TAF12: variants seen among roughly 807,000 people sequenced by gnomAD.
TAF12 encodes transcription initiation factor TFIID subunit 12.
Under a neutral mutation model 20.8 loss-of-function variants are expected in TAF12, and 3 were observed. That is an observed-to-expected ratio of 0.14 (90% CI 0.07 to 0.37). The LOEUF (loss-of-function observed/expected upper bound fraction) is 0.37. TAF12 is among the 10% of genes least tolerant of loss of function. The pLI is 1.00. For synonymous variants in TAF12, 69 were observed against 70.2 expected, an observed-to-expected ratio of 0.98 and a Z score of 0.09; for missense variants, 131 against 197.9, an observed-to-expected ratio of 0.66 and a Z score of 2.03.
chr1:28,627,560 G>C (rs191591205), intron 1 of TAF12, among the ~76,000 whole-genome samples: 1 of 151,002 alleles, frequency 6.6e-6, no homozygotes, highest in African/African-American at 2.4e-5. Context: ...GGGCGTGGTG[G>C]CGGGCACCTG....
chr1:28,621,772 A>G (rs1667228048), intron 2 of TAF12, 142 bp downstream of exon 2: 2 of 1,302,982 alleles, frequency 1.5e-6, no homozygotes, highest in Non-Finnish European at 2.1e-6. Context: ...CAAACAAAAA[A>G]AGTTAGAAAT....
At chr1:28,619,711 G>A (rs1465205211) in intron 2 of TAF12, among the ~76,000 whole-genome samples, 6 of 149,116 alleles carry the variant, frequency 4.0e-5, no homozygotes, top group African/African-American at 1.5e-4. Flanking sequence ...AGCACTTTGG[G>A]AGGCTGAGGC....
chr1:28,647,479 G>A (rs967575512), upstream of TAF12, among the ~76,000 whole-genome samples: 2 of 151,886 alleles, frequency 1.3e-5, no homozygotes. Flanking sequence ...GTAGGGACGA[G>A]GTCTCTATAT....
At chr1:28,634,695 C>T (rs917490548) in intron 1 of TAF12, among the ~76,000 whole-genome samples, 5 of 152,036 alleles carry the variant, frequency 3.3e-5, no homozygotes, top group East Asian at 1.9e-4. Flanking sequence ...TTTGGGAGGC[C>T]GAGGTGGGCA....
At position 28,622,095 on chromosome 1, in the gene TAF12, T is replaced by C. The variant is rs1231462890; in HGVS notation, c.-14A>G. The C allele has an allele frequency of 1.9e-6, 3 of 1,608,750 alleles. No homozygotes were observed. Among genetic ancestry groups the C allele is most frequent in the African/African-American group, 1.3e-5 (1 of 74,544 alleles). ...AAACTGGTTCATAATCTGCCGAGCT[T>C]TGGACTTCAGCTCATAGAGCTTATC... On this transcript the variant is annotated 5_prime_UTR_variant, in exon 2 of 6. Coordinates refer to ENST00000373824, the MANE Select transcript of TAF12 (RefSeq NM_005644.4).
At chr1:28,639,017 C>A (rs1168769189) in intron 1 of TAF12, among the ~76,000 whole-genome samples, 1 of 151,228 alleles carries the variant, frequency 6.6e-6, no homozygotes, top group Non-Finnish European at 1.5e-5. Flanking sequence ...CCTCGTGATC[C>A]GCCCACCTCG....
chr1:28,644,966 A>T (rs1313606951), upstream of TAF12, among the ~76,000 whole-genome samples: 1 of 152,130 alleles, frequency 6.6e-6, no homozygotes, highest in Non-Finnish European at 1.5e-5. Flanking sequence ...GCACAATCAT[A>T]GTTCACTACA....
chr1:28,642,446 G>C (rs1668067899), intron 1 of TAF12, among the ~76,000 whole-genome samples: 1 of 152,024 alleles, frequency 6.6e-6, no homozygotes, highest in African/African-American at 2.4e-5. Flanking sequence ...CAGGAACTCG[G>C]AGTCTCAAAG....
intron 1 of TAF12, among the ~76,000 whole-genome samples, chr1:28,632,209 A>C (rs1279644010): frequency 6.6e-6 from 1 of 152,186 alleles, no homozygotes; most frequent in Non-Finnish European, 1.5e-5. Context: ...AGGCCAAGGC[A>C]GGTGGATCAC....
At chr1:28,628,778 G>A (rs139699960) in intron 1 of TAF12, among the ~76,000 whole-genome samples, 2,213 of 152,244 alleles carry the variant, frequency 0.015, 57 homozygotes, top group African/African-American at 0.051. Context: ...ATTGTTTATT[G>A]AAACACATGT....
chr1:28,634,211 C>T (rs546329618), intron 1 of TAF12, among the ~76,000 whole-genome samples: 445 of 150,418 alleles, frequency 3.0e-3, no homozygotes, highest in Non-Finnish European at 3.0e-3. Flanking sequence ...GTCAGGAGTT[C>T]GAGACCATCC....
At chr1:28,604,303 G>C (rs1428830009) in intron 5 of TAF12, among the ~76,000 whole-genome samples, 5 of 152,144 alleles carry the variant, frequency 3.3e-5, no homozygotes, top group African/African-American at 1.2e-4. Flanking sequence ...CACACACAAA[G>C]GGAGCTGACA....
At chr1:28,624,353 C>T (rs1466927936) in intron 1 of TAF12, among the ~76,000 whole-genome samples, 1 of 152,134 alleles carries the variant, frequency 6.6e-6, no homozygotes, top group Non-Finnish European at 1.5e-5. Flanking sequence ...CAATGGCCTT[C>T]AGAACTTGGT....
At chr1:28,646,903 T>G (rs561179758), upstream of TAF12, among the ~76,000 whole-genome samples, 8 of 152,252 alleles carry the variant, frequency 5.3e-5, 1 homozygote, top group South Asian at 1.5e-3. Flanking sequence ...TTTCACCGTG[T>G]TAGCCAGGAT....
At chr1:28,613,485 G>T in intron 3 of TAF12, 124 bp from the exon 4 acceptor site, 1 of 774,722 alleles carries the variant, frequency 1.3e-6, no homozygotes, top group Non-Finnish European at 2.1e-6. Flanking sequence ...GCTGGAATCA[G>T]CATTTGGGCT....
At position 28,640,078 on chromosome 1, in the gene TAF12, G is replaced by A. The variant is rs554125284; in HGVS notation, c.-85+2914C>T. ...GGCGGGTCTCGAACTCCTGATCTCAGGTGACCCGCCCGCCTTGGCCTCCCA... is the reference window on the plus strand; with the variant it reads ...GGCGGGTCTCGAACTCCTGATCTCAAGTGACCCGCCCGCCTTGGCCTCCCA... On this transcript the variant is annotated intron_variant, in intron 1 of 5. Coordinates refer to ENST00000373824, the MANE Select transcript of TAF12 (RefSeq NM_005644.4). Among the ~76,000 whole-genome samples, 246 of 152,216 alleles carry A rather than the reference G, an allele frequency of 1.6e-3. 1 individual carries two copies. Among genetic ancestry groups the A allele is most frequent in the African/African-American group, 5.3e-3 (222 of 41,542 alleles).
At chr1:28,607,518 A>C (rs1288587793) in intron 4 of TAF12, among the ~76,000 whole-genome samples, 2 of 152,088 alleles carry the variant, frequency 1.3e-5, no homozygotes, top group African/African-American at 4.8e-5. Context: ...TAAAAATATA[A>C]AAAATTAGTC....
At chr1:28,623,876 A>G in intron 1 of TAF12, 2 of 792,162 alleles carry the variant, frequency 2.5e-6, no homozygotes, top group Non-Finnish European at 3.1e-6. Context: ...TGTGGACGTC[A>G]GCTTGGGTGT....
At chr1:28,610,006 A>C (rs1251166968) in intron 4 of TAF12, among the ~76,000 whole-genome samples, 1 of 147,866 alleles carries the variant, frequency 6.8e-6, no homozygotes, top group African/African-American at 2.5e-5. Flanking sequence ...TTTGGGACGG[A>C]GTCTCTGTCA....
Sources: gnomAD v4.1 joint callset for allele counts (sites outside exome capture counted in the v4.1 genomes callset) on GRCh38, gnomAD v4.1.1 for gene constraint, MANE v1.5 for transcripts, NCBI Gene and HGNC (gene_info 2026-07-23, HGNC 2026-07-21) for gene names.